CPNE4: variants seen among roughly 807,000 people sequenced by gnomAD.
The protein encoded by CPNE4 is copine-4.
A neutral mutation model predicts 67.9 loss-of-function variants in CPNE4; 25 were observed. That is an observed-to-expected ratio of 0.37 (90% confidence interval 0.27 to 0.51). The LOEUF (loss-of-function observed/expected upper bound fraction) is 0.51, where lower values mean the gene tolerates loss of function less well. CPNE4 is among the 20% of genes least tolerant of loss of function. The pLI, the probability that CPNE4 is intolerant of heterozygous loss-of-function variation, is 0.93. For missense variants in CPNE4, 464 were observed against 690.8 expected, an observed-to-expected ratio of 0.67 and a Z score of 3.68; for synonymous variants, 242 against 244.9, an observed-to-expected ratio of 0.99 and a Z score of 0.11.
intron 10 of CPNE4, among the ~76,000 whole-genome samples, chr3:131,572,949 AT>A (rs1386097904): frequency 6.6e-6 from 1 of 152,200 alleles, no homozygotes; most frequent in Non-Finnish European, 1.5e-5. Flanking sequence ...TACAGACCAA[AT>A]TAAATAAGAC....
chr3:131,916,347 GAAAAAAAAAA>G (rs35520224), intron 1 of CPNE4, among the ~76,000 whole-genome samples: 1 of 117,780 alleles, frequency 8.5e-6, no homozygotes, highest in Non-Finnish European at 1.8e-5. Flanking sequence ...TTTCCAGTTA[GAAAAAAAAAA>G]AAAAAAAAAC....
chr3:131,768,808 C>G lies in CPNE4; in HGVS notation c.181-45183G>C, dbSNP rs145395334. ...ACTGAATGAGTCCCCTGGAAAGAAA[C>G]TCAAGCCCCAAACTAGGCCATGATT... On this transcript the variant is annotated intron_variant, in intron 2 of 15. Transcript: ENST00000429747. 1.3e-3 allele frequency among the ~76,000 whole-genome samples: 201 copies of G among 152,242 alleles called. 2 individuals carry two copies. The highest frequency in any genetic ancestry group is 4.7e-3 in the African/African-American group (197 of 41,544).
intron 2 of CPNE4, among the ~76,000 whole-genome samples, chr3:131,761,765 A>T (rs2107814816): frequency 6.6e-6 from 1 of 152,260 alleles, no homozygotes; most frequent in East Asian, 1.9e-4. Context: ...TCTTGGGTTA[A>T]CTCTCAATAA....
At chr3:131,824,431 C>T (rs953204830) in intron 2 of CPNE4, among the ~76,000 whole-genome samples, 2 of 152,176 alleles carry the variant, frequency 1.3e-5, no homozygotes, top group Non-Finnish European at 2.9e-5. Flanking sequence ...TTTTATGGTA[C>T]ATCAGCAACC....
chr3:131,677,086 G>A (rs1262949967), intron 6 of CPNE4, among the ~76,000 whole-genome samples: 5 of 151,660 alleles, frequency 3.3e-5, no homozygotes, highest in Non-Finnish European at 5.9e-5. Flanking sequence ...ACTGGTGTGA[G>A]ATGGTATCTC....
chr3:131,568,000 G>C (rs1937145079), intron 10 of CPNE4, among the ~76,000 whole-genome samples: 1 of 151,928 alleles, frequency 6.6e-6, no homozygotes, highest in South Asian at 2.1e-4. Flanking sequence ...CAACGAGAGA[G>C]GCCACTTCAT....
chr3:132,033,409 G>GTGTGTGTGTGTGTC (rs1433700569), intron 1 of CPNE4, among the ~76,000 whole-genome samples: 5 of 72,916 alleles, frequency 6.9e-5, no homozygotes, highest in African/African-American at 2.5e-4. Context: ...GTGTGTCTGT[G>GTGTGTGTGTGTGTC]TGTGTGTGTG....
chr3:131,940,738 A>T (rs1004995898), intron 1 of CPNE4, among the ~76,000 whole-genome samples: 1 of 152,212 alleles, frequency 6.6e-6, no homozygotes, highest in East Asian at 1.9e-4. Flanking sequence ...ATCCAGAATA[A>T]AAAAGGGGGC....
chr3:131,545,968 A>G (rs1490284899), intron 14 of CPNE4, among the ~76,000 whole-genome samples: 2 of 152,146 alleles, frequency 1.3e-5, no homozygotes, highest in African/African-American at 4.8e-5. Context: ...AGGCTAAGGC[A>G]GGAGAATCAT....
At chr3:131,895,464 TAC>T (rs2088290003) in intron 2 of CPNE4, among the ~76,000 whole-genome samples, 1 of 152,086 alleles carries the variant, frequency 6.6e-6, no homozygotes, top group Non-Finnish European at 1.5e-5. Context: ...CATCAATATA[TAC>T]AGTTACAATG....
At chr3:131,622,447 G>A (rs996603870) in intron 7 of CPNE4, among the ~76,000 whole-genome samples, 3 of 152,168 alleles carry the variant, frequency 2.0e-5, no homozygotes, top group Non-Finnish European at 4.4e-5. Context: ...CTATCCTAAA[G>A]TGTCGCTCAT....
At chr3:131,883,274 T>C (rs2087751875) in intron 2 of CPNE4, among the ~76,000 whole-genome samples, 1 of 152,156 alleles carries the variant, frequency 6.6e-6, no homozygotes, top group African/African-American at 2.4e-5. Flanking sequence ...CCCCCAGTGT[T>C]ACCCATCATC....
At chr3:131,573,360 C>A (rs1184911255) in intron 10 of CPNE4, among the ~76,000 whole-genome samples, 1 of 152,080 alleles carries the variant, frequency 6.6e-6, no homozygotes, top group Non-Finnish European at 1.5e-5. Flanking sequence ...TGAAGTGGTA[C>A]TCTCAGTGGG....
At chr3:131,894,378 A>G (rs2107748700) in intron 2 of CPNE4, among the ~76,000 whole-genome samples, 1 of 152,102 alleles carries the variant, frequency 6.6e-6, no homozygotes, top group East Asian at 1.9e-4. Context: ...AAATGGGATT[A>G]CACCAAACTA....
chr3:131,535,625 A>G (rs1249893941), intron 15 of CPNE4, among the ~76,000 whole-genome samples: 1 of 152,138 alleles, frequency 6.6e-6, no homozygotes, highest in Non-Finnish European at 1.5e-5. Context: ...TTTTCACTCA[A>G]TTTTAGACAC....
At chr3:131,584,735 C>G (rs1582844592) in intron 8 of CPNE4, among the ~76,000 whole-genome samples, 1 of 152,284 alleles carries the variant, frequency 6.6e-6, no homozygotes, top group African/African-American at 2.4e-5. Flanking sequence ...TCTGCACTAT[C>G]AAATATAGTA....
At chr3:131,600,054 C>T (rs77499490) in intron 7 of CPNE4, among the ~76,000 whole-genome samples, 1 of 152,056 alleles carries the variant, frequency 6.6e-6, no homozygotes, top group Non-Finnish European at 1.5e-5. Flanking sequence ...TGGGTTGTTT[C>T]TTGGGGGCTG....
At chr3:131,746,898 A>C (rs1266595015) in intron 2 of CPNE4, among the ~76,000 whole-genome samples, 2 of 152,152 alleles carry the variant, frequency 1.3e-5, no homozygotes, top group Admixed American at 6.5e-5. Flanking sequence ...GCAGTGTATA[A>C]GGGTTTCCTT....
intron 2 of CPNE4, among the ~76,000 whole-genome samples, chr3:131,901,664 G>C (rs147753647): frequency 6.6e-6 from 1 of 151,976 alleles, no homozygotes; most frequent in Non-Finnish European, 1.5e-5. Flanking sequence ...GGAGTTGCAG[G>C]CAGGGCTGGA....
Sources: allele counts gnomAD v4.1 joint callset (sites outside exome capture counted in the v4.1 genomes callset), GRCh38; gene constraint gnomAD v4.1.1; transcripts MANE v1.5; gene names NCBI Gene and HGNC (gene_info 2026-07-23, HGNC 2026-07-21).